The following PPP2R3A variants were observed in gnomAD, a reference collection of about 807,000 sequenced individuals.
PPP2R3A encodes the protein serine/threonine-protein phosphatase 2A regulatory subunit B'' subunit alpha.
In PPP2R3A, 80 loss-of-function variants were observed where a neutral mutation model predicts 106.9. The ratio of observed to expected loss-of-function variants is 0.75; its 90% CI spans 0.62 to 0.90. The LOEUF is 0.90. Ranked by LOEUF, PPP2R3A falls within the 40% of genes least tolerant of loss-of-function variation. The pLI is 0.00. For missense variants in PPP2R3A, 1,386 were observed against 1,350.4 expected (o/e 1.03, Z -0.41); for synonymous variants, 483 against 468.3 (o/e 1.03, Z -0.41).
chr3:136,095,050 G>A (rs1937184772), intron 10 of PPP2R3A, among the ~76,000 whole-genome samples: 1 of 152,144 alleles, frequency 6.6e-6, no homozygotes, highest in Admixed American at 6.5e-5. Context: ...GGTCCCAAAT[G>A]CTAGGTGCCC....
intron 1 of PPP2R3A, among the ~76,000 whole-genome samples, chr3:135,984,601 A>C (rs1372146720): frequency 6.6e-6 from 1 of 151,920 alleles, no homozygotes; most frequent in Admixed American, 6.6e-5. Context: ...ACAAGATCTG[A>C]TGGTTTTATA....
chr3:136,040,940 T>G lies in PPP2R3A; in HGVS notation c.2344T>G (p.Ser782Ala). The change falls in exon 4 of 14, where the codon TCA (serine) becomes GCA (alanine). Residue 782 changes from serine to alanine, a missense_variant. By Grantham distance (99) the Ser-to-Ala change is moderately conservative (BLOSUM62 1). Coordinates refer to ENST00000264977, the MANE Select transcript of PPP2R3A (RefSeq NM_002718.5). ...GAAGACAGGATTTGTGACAGCACAG[T>G]CATTCATTGCCATGTGGAGAAAGTA... ...GEKTGFVTAQ[S>A]FIAMWRKLLN... The G allele has an allele frequency of 2.5e-6, 4 of 1,613,510 alleles. No individual in the cohort carries two copies. The highest frequency in any genetic ancestry group is 3.4e-6 in the Non-Finnish European group (4 of 1,179,746).
At chr3:136,134,889 A>C (rs1437510519) in intron 13 of PPP2R3A, among the ~76,000 whole-genome samples, 2 of 152,162 alleles carry the variant, frequency 1.3e-5, no homozygotes, top group Non-Finnish European at 2.9e-5. Flanking sequence ...CCTTCTATAC[A>C]TTTCTGTGCA....
intron 7 of PPP2R3A, chr3:136,079,334 AATG>A (rs1936704200): frequency 1.2e-5 from 3 of 248,764 alleles, no homozygotes; most frequent in Admixed American, 8.9e-5. Flanking sequence ...CCTCAAGAGT[AATG>A]ATGATAATCC....
chr3:136,060,081 T>C (rs1348624502), intron 5 of PPP2R3A, among the ~76,000 whole-genome samples: 1 of 152,184 alleles, frequency 6.6e-6, no homozygotes, highest in Non-Finnish European at 1.5e-5. Flanking sequence ...CCAAACCCTC[T>C]TGACGCAAGT....
intron 13 of PPP2R3A, among the ~76,000 whole-genome samples, chr3:136,125,019 A>G (rs980431013): frequency 1.1e-4 from 16 of 152,192 alleles, no homozygotes; most frequent in African/African-American, 3.6e-4. Context: ...AGTCTTCCCC[A>G]TAAGAAAAGT....
intron 2 of PPP2R3A, among the ~76,000 whole-genome samples, chr3:136,016,846 TTCA>T (rs1385351404): frequency 1.3e-5 from 2 of 152,190 alleles, no homozygotes; most frequent in African/African-American, 4.8e-5. Flanking sequence ...TACTATTCTA[TTCA>T]TCATATTAGT....
chr3:136,134,035 T>A (rs1938518258), intron 13 of PPP2R3A, among the ~76,000 whole-genome samples: 1 of 152,148 alleles, frequency 6.6e-6, no homozygotes. Flanking sequence ...TGGCAGCAAT[T>A]TTTAAAACAT....
intron 13 of PPP2R3A, among the ~76,000 whole-genome samples, chr3:136,126,496 GCTCAACAATGCCTACTGCAA>G (rs1938187329): frequency 1.3e-5 from 2 of 152,334 alleles, no homozygotes; most frequent in South Asian, 2.1e-4. Flanking sequence ...GCCCACCACA[GCTCAACAATGCCTACTGCAA>G]CTCAACAATG....
intron 2 of PPP2R3A, among the ~76,000 whole-genome samples, chr3:136,014,576 G>T (rs1243670134): frequency 6.6e-6 from 1 of 151,700 alleles, no homozygotes; most frequent in Admixed American, 6.6e-5. Context: ...TATTTATTTT[G>T]TTTTTTTACA....
At chr3:135,994,713 T>G (rs1933316065) in intron 1 of PPP2R3A, among the ~76,000 whole-genome samples, 1 of 152,160 alleles carries the variant, frequency 6.6e-6, no homozygotes, top group African/African-American at 2.4e-5. Context: ...ACTTTAAAAC[T>G]GTGAAACCCA....
intron 1 of PPP2R3A, among the ~76,000 whole-genome samples, chr3:135,985,281 C>T (rs1047331031): frequency 6.6e-6 from 1 of 152,030 alleles, no homozygotes; most frequent in Non-Finnish European, 1.5e-5. Context: ...ACCTCCGTCT[C>T]TAACCCAGTC....
At chr3:136,020,305 T>G (rs1269241999) in intron 2 of PPP2R3A, among the ~76,000 whole-genome samples, 2 of 152,082 alleles carry the variant, frequency 1.3e-5, no homozygotes, top group African/African-American at 4.8e-5. Flanking sequence ...AGGCATTAAT[T>G]TATTCTGATG....
chr3:136,042,954 C>T (rs551605805), intron 4 of PPP2R3A, among the ~76,000 whole-genome samples: 3 of 147,882 alleles, frequency 2.0e-5, no homozygotes, highest in Non-Finnish European at 4.5e-5. Context: ...TTGGAGAAGA[C>T]GTGTTTAGTT....
intron 1 of PPP2R3A, among the ~76,000 whole-genome samples, chr3:135,969,830 T>C (rs533050312): frequency 9.2e-5 from 14 of 152,368 alleles, no homozygotes; most frequent in African/African-American, 3.1e-4. Flanking sequence ...AATGTAGCAC[T>C]ACTGAGTTGG....
chr3:136,130,044 C>T (rs1332019803), intron 13 of PPP2R3A, among the ~76,000 whole-genome samples: 1 of 152,120 alleles, frequency 6.6e-6, no homozygotes, highest in African/African-American at 2.4e-5. Flanking sequence ...TTATGACAGA[C>T]CCACAACCAG....
At chr3:135,993,457 G>A (rs140472584) in intron 1 of PPP2R3A, among the ~76,000 whole-genome samples, 83 of 152,306 alleles carry the variant, frequency 5.4e-4, no homozygotes, top group African/African-American at 1.9e-3. Flanking sequence ...GTATAAAATG[G>A]TAGAACCACT....
rs199521423 is a variant in PPP2R3A at position 136,026,824 on chromosome 3, T to C, written c.1996-8T>C. 6.3e-7 allele frequency: 1 copy of C among 1,588,012 alleles called. No homozygotes were observed. Among genetic ancestry groups the C allele is most frequent in the East Asian group, 2.2e-5 (1 of 44,658 alleles). ...TTTTTGTGTCTCATAATCTTATTTT[T>C]CTTTTAGATTCAAAATAAACCAGAA... On this transcript the variant is annotated splice_polypyrimidine_tract_variant and splice_region_variant and intron_variant, in intron 2 of 13. Transcript: ENST00000264977.
intron 1 of PPP2R3A, among the ~76,000 whole-genome samples, chr3:135,986,815 A>G (rs1262274928): frequency 1.3e-5 from 2 of 152,130 alleles, no homozygotes; most frequent in Non-Finnish European, 2.9e-5. Context: ...GTGCATGAAC[A>G]TATGCTTTTA....
Sources: allele counts gnomAD v4.1 joint callset (sites outside exome capture counted in the v4.1 genomes callset), GRCh38; gene constraint gnomAD v4.1.1; transcripts MANE v1.5; gene names NCBI Gene and HGNC (gene_info 2026-07-23, HGNC 2026-07-21).